Variants in TIPIN observed in about 807,000 individuals in gnomAD.
The protein encoded by TIPIN is TIMELESS-interacting protein.
Under a neutral mutation model 35.6 loss-of-function variants are expected in TIPIN, and 29 were observed. That is an observed-to-expected ratio of 0.82 (90% confidence interval 0.61 to 1.11). TIPIN has a LOEUF of 1.11. Among genes scored for constraint, TIPIN ranks in the 50% most tolerant of loss-of-function variants. The pLI, the probability that TIPIN is intolerant of heterozygous loss-of-function variation, is 0.00. For synonymous variants in TIPIN, 102 were observed against 121.5 expected, an observed-to-expected ratio of 0.84 and a Z score of 1.06; for missense variants, 296 against 345.4, an observed-to-expected ratio of 0.86 and a Z score of 1.13.
chr15:66,375,345 A>C (rs372754052), intron 1 of TIPIN, among the ~76,000 whole-genome samples: 7 of 151,094 alleles, frequency 4.6e-5, no homozygotes, highest in Admixed American at 2.0e-4. Context: ...GTTTTTGTTT[A>C]TTTATTTATT....
At chr15:66,347,460 A>G (rs1335144625) in intron 6 of TIPIN, 2 of 305,914 alleles carry the variant, frequency 6.5e-6, no homozygotes, top group African/African-American at 4.4e-5. Context: ...GTATATGTAT[A>G]TGAACACTTT....
At chr15:66,367,523 T>G (rs2093261091) in intron 1 of TIPIN, among the ~76,000 whole-genome samples, 1 of 151,600 alleles carries the variant, frequency 6.6e-6, no homozygotes, top group African/African-American at 2.4e-5. Context: ...GCCTCCGAAG[T>G]AGCTGGAACT....
chr15:66,338,631 G>A (rs62627332), intron 7 of TIPIN, among the ~76,000 whole-genome samples: 67 of 151,396 alleles, frequency 4.4e-4, no homozygotes, highest in Middle Eastern at 3.4e-3. Context: ...TGGCTGATAC[G>A]GTGAAACCCT....
chr15:66,373,171 T>C (rs971580497), intron 1 of TIPIN, among the ~76,000 whole-genome samples: 3 of 152,142 alleles, frequency 2.0e-5, no homozygotes, highest in African/African-American at 7.2e-5. Flanking sequence ...CCCATCATTA[T>C]GCAATACATG....
At position 66,352,729 on chromosome 15, in the gene TIPIN, C is replaced by T. The variant is rs1879782159; in HGVS notation, c.133+86G>A. On this transcript the variant is annotated intron_variant, in intron 2 of 7. Coordinates refer to ENST00000261881, the MANE Select transcript of TIPIN (RefSeq NM_017858.3). ...AATTCCTGACCTTGTGATCCGCCCG[C>T]CTCAGCATCCCAAAGTGCTGGAATT... 33 of 1,411,106 alleles carry T rather than the reference C, an allele frequency of 2.3e-5. No individual in the cohort carries two copies. In the South Asian group the frequency reaches 5.5e-4, roughly 23 times the overall value. 87.4% of individuals were successfully genotyped at this position (1,411,106 alleles called of 1,614,324 possible).
At chr15:66,347,090 C>T (rs760369443) in intron 6 of TIPIN, 10 of 318,320 alleles carry the variant, frequency 3.1e-5, no homozygotes, top group Admixed American at 1.9e-4. Flanking sequence ...CCACCGCGCC[C>T]GGCCTAAATC....
At chr15:66,338,619 C>T (rs909429197) in intron 7 of TIPIN, among the ~76,000 whole-genome samples, 4 of 151,684 alleles carry the variant, frequency 2.6e-5, no homozygotes, top group Non-Finnish European at 5.9e-5. Context: ...TCGAGACCAT[C>T]CTGGCTGATA....
At chr15:66,357,576 T>G (rs1595805291), upstream of TIPIN, among the ~76,000 whole-genome samples, 1 of 104,342 alleles carries the variant, frequency 9.6e-6, no homozygotes, top group African/African-American at 4.0e-5. Context: ...CCAGTCTGGG[T>G]GACAGTGAGA....
chr15:66,350,580 G>A (rs1220211384), intron 4 of TIPIN, among the ~76,000 whole-genome samples: 1 of 151,200 alleles, frequency 6.6e-6, no homozygotes, highest in Non-Finnish European at 1.5e-5. Flanking sequence ...ACTCCAGCCT[G>A]GGTGACAAGG....
chr15:66,366,779 A>G (rs193201237), intron 1 of TIPIN: 61,812 of 943,206 alleles, frequency 0.066, 1,713 homozygotes, highest in Middle Eastern at 0.091. Context: ...AAAAAAAAAA[A>G]AAAGAAAGAA....
At chr15:66,377,909 C>T (rs1186241111) in intron 1 of TIPIN, among the ~76,000 whole-genome samples, 1 of 151,980 alleles carries the variant, frequency 6.6e-6, no homozygotes, top group Non-Finnish European at 1.5e-5. Flanking sequence ...TGCAATTGCA[C>T]GATTTGGCTC....
At chr15:66,379,865 G>A in intron 1 of TIPIN, 1 of 1,592,814 alleles carries the variant, frequency 6.3e-7, no homozygotes, top group Non-Finnish European at 8.5e-7. Flanking sequence ...TCAGAGTAAT[G>A]TTGACATTTT....
chr15:66,345,520 G>A (rs1185205977), intron 6 of TIPIN, among the ~76,000 whole-genome samples: 2 of 152,146 alleles, frequency 1.3e-5, no homozygotes, highest in Non-Finnish European at 2.9e-5. Context: ...TTTGAGACAA[G>A]CCTGGCCAAC....
rs1376697264 is a variant in TIPIN at position 66,343,917 on chromosome 15, G to C, written c.476-2561C>G. Among the ~76,000 whole-genome samples the C allele has an allele frequency of 2.6e-5, 4 of 152,020 alleles. No individual in the cohort carries two copies. The East Asian group carries it at 7.7e-4, about 29-fold the overall frequency. On this transcript the variant is annotated intron_variant, in intron 6 of 7. Transcript: ENST00000261881. ...GGAGGCTGAGGCAGGAGAATCACTT[G>C]AACCCGGGAGGCAGAGGTTGCAGTG...
intron 1 of TIPIN, 51 bp downstream of exon 1, chr15:66,356,588 C>A (rs1418502436): frequency 1.0e-6 from 1 of 984,770 alleles, no homozygotes; most frequent in Non-Finnish European, 1.2e-6. Flanking sequence ...CTGGCTAGTC[C>A]GACTCCCCTC....
chr15:66,370,021 T>C (rs17258785), intron 1 of TIPIN, among the ~76,000 whole-genome samples: 16,082 of 152,180 alleles, frequency 0.11, 1,078 homozygotes, highest in Non-Finnish European at 0.15. Context: ...TGAATGAATG[T>C]CCTGGGAAAG....
chr15:66,344,629 T>C (rs1482128610), intron 6 of TIPIN, among the ~76,000 whole-genome samples: 3 of 143,288 alleles, frequency 2.1e-5, no homozygotes, highest in Non-Finnish European at 4.5e-5. Context: ...GGTGGGAGGA[T>C]CACATGGACC....
upstream of TIPIN, among the ~76,000 whole-genome samples, chr15:66,358,917 G>A (rs888126382): frequency 6.6e-6 from 1 of 151,886 alleles, no homozygotes; most frequent in Non-Finnish European, 1.5e-5. Flanking sequence ...GTGGGTGCCT[G>A]CCTGTAATCC....
At chr15:66,350,959 AAG>A (rs2093163884) in intron 4 of TIPIN, among the ~76,000 whole-genome samples, 1 of 150,864 alleles carries the variant, frequency 6.6e-6, no homozygotes, top group African/African-American at 2.4e-5. Context: ...AAAAAAAAAA[AAG>A]AATATATTAG....
Sources: gnomAD v4.1 joint callset for allele counts (sites outside exome capture counted in the v4.1 genomes callset) on GRCh38, gnomAD v4.1.1 for gene constraint, MANE v1.5 for transcripts, NCBI Gene and HGNC (gene_info 2026-07-23, HGNC 2026-07-21) for gene names.